Variants in DACH2 observed in about 807,000 individuals in gnomAD.
The protein encoded by DACH2 is dachshund homolog 2.
Under a neutral mutation model 35.8 loss-of-function variants are expected in DACH2, and 17 were observed. That is an observed-to-expected ratio of 0.48 (90% CI 0.33 to 0.71). DACH2 has a LOEUF of 0.71. DACH2 is among the 30% of genes least tolerant of loss of function. The pLI, the probability that DACH2 is intolerant of heterozygous loss-of-function variation, is 0.02. For missense variants in DACH2, 469 were observed against 472.7 expected, an observed-to-expected ratio of 0.99 and a Z score of 0.07; for synonymous variants, 195 against 177.3, an observed-to-expected ratio of 1.10 and a Z score of -0.79.
intron 2 of DACH2, among the ~76,000 whole-genome samples, chrX:86,445,515 A>T (rs990996573): frequency 5.9e-5 from 1 of 16,972 alleles, no homozygotes; most frequent in African/African-American, 1.7e-4. Context: ...TAATAATAAT[A>T]AAAAAAAAGA....
At chrX:86,547,425 G>A (rs1354281087) in intron 3 of DACH2, among the ~76,000 whole-genome samples, 1 of 110,185 alleles carries the variant, frequency 9.1e-6, no homozygotes, top group African/African-American at 3.3e-5. Flanking sequence ...TTTTCTCACT[G>A]AAGATCATTT....
At chrX:86,563,333 T>C (rs182142102) in intron 3 of DACH2, among the ~76,000 whole-genome samples, 1 of 110,373 alleles carries the variant, frequency 9.1e-6, no homozygotes, top group East Asian at 2.9e-4. Flanking sequence ...TTCAAGTAAA[T>C]GTTAAAGAAG....
At chrX:86,309,124 G>T (rs987082815) in intron 1 of DACH2, among the ~76,000 whole-genome samples, 1 of 112,093 alleles carries the variant, frequency 8.9e-6, no homozygotes, top group Non-Finnish European at 1.9e-5. Flanking sequence ...GGATTGCAGA[G>T]ATTAGTGCCA....
intron 1 of DACH2, among the ~76,000 whole-genome samples, chrX:86,263,605 C>A (rs1281456586): frequency 9.0e-6 from 1 of 111,524 alleles, no homozygotes; most frequent in Non-Finnish European, 1.9e-5. Flanking sequence ...AAAAGAGAAA[C>A]CCTTTTTGTG....
At chrX:86,186,917 G>A (rs777840364) in intron 1 of DACH2, among the ~76,000 whole-genome samples, 4 of 111,549 alleles carry the variant, frequency 3.6e-5, no homozygotes, top group South Asian at 3.7e-4. Context: ...ATTTCATTTT[G>A]CAGATGGAGA....
At chrX:86,356,114 T>G (rs965128721) in intron 1 of DACH2, among the ~76,000 whole-genome samples, 1 of 111,920 alleles carries the variant, frequency 8.9e-6, no homozygotes, top group Non-Finnish European at 1.9e-5. Context: ...CCAGAGCCTA[T>G]GTCTAAAATA....
chrX:86,231,405 G>A (rs1052641041), intron 1 of DACH2, among the ~76,000 whole-genome samples: 1 of 110,503 alleles, frequency 9.0e-6, no homozygotes, highest in African/African-American at 3.3e-5. Flanking sequence ...TAGGGGCGGG[G>A]CTAGGTGTGT....
chrX:86,157,377 G>GA (rs1418549124), intron 1 of DACH2, among the ~76,000 whole-genome samples: 3 of 111,354 alleles, frequency 2.7e-5, no homozygotes, highest in Non-Finnish European at 5.7e-5. Flanking sequence ...GGGTTAAAAA[G>GA]AAAAAAGTAA....
chrX:86,804,369 A>G (rs1000636465), intron 7 of DACH2, among the ~76,000 whole-genome samples: 9 of 111,567 alleles, frequency 8.1e-5, no homozygotes, highest in African/African-American at 2.9e-4. Context: ...TAGACCGTTC[A>G]TGAGAACTTT....
intron 2 of DACH2, among the ~76,000 whole-genome samples, chrX:86,463,861 G>T (rs749419628): frequency 1.3e-4 from 14 of 111,512 alleles, no homozygotes; most frequent in Non-Finnish European, 1.7e-4. Context: ...AGTGGGCAAA[G>T]GGTATAAACA....
chrX:86,359,396 C>A (rs1053967934), intron 1 of DACH2, among the ~76,000 whole-genome samples: 8 of 110,833 alleles, frequency 7.2e-5, no homozygotes, highest in Non-Finnish European at 1.9e-5. Flanking sequence ...CTAGAGTGCA[C>A]GATTTTCTAA....
chrX:86,512,398 T>A (rs764381641), intron 2 of DACH2, among the ~76,000 whole-genome samples: 1 of 111,325 alleles, frequency 9.0e-6, no homozygotes, highest in Non-Finnish European at 1.9e-5. Context: ...GGAAAAGAGT[T>A]GCTTCAGATA....
At chrX:86,789,220 A>T (rs918986043) in intron 7 of DACH2, among the ~76,000 whole-genome samples, 4 of 112,132 alleles carry the variant, frequency 3.6e-5, no homozygotes, top group Non-Finnish European at 7.5e-5. Context: ...ATGGAAAAGG[A>T]CAGCAGCTCC....
chrX:86,729,537 G>A lies in DACH2; in HGVS notation c.1105-10210G>A, dbSNP rs182457052. Among the ~76,000 whole-genome samples, 164 of 111,584 alleles carry A rather than the reference G, an allele frequency of 1.5e-3. 3 individuals are homozygous for A. Among genetic ancestry groups the A allele is most frequent in the Admixed American group, 0.015 (152 of 10,478 alleles). On this transcript the variant is annotated intron_variant, in intron 6 of 11. Transcript: ENST00000373125. ...ATGATTGTATTTTGCAATGTGAAAAGGACATGAGATTTGGGGGTGTCTAGG... is the reference window on the plus strand; with the variant it reads ...ATGATTGTATTTTGCAATGTGAAAAAGACATGAGATTTGGGGGTGTCTAGG...
At chrX:86,694,982 G>C (rs1218556119) in intron 4 of DACH2, 39 bp from the exon 5 acceptor site, 1 of 992,528 alleles carries the variant, frequency 1.0e-6, no homozygotes, top group East Asian at 3.7e-5. Flanking sequence ...TCTTATGAAA[G>C]TTGTCAAGTT....
intron 7 of DACH2, among the ~76,000 whole-genome samples, chrX:86,743,161 G>C (rs892421212): frequency 6.3e-5 from 7 of 111,164 alleles, no homozygotes; most frequent in African/African-American, 1.6e-4. Flanking sequence ...GTGCTAATTT[G>C]GACATTTCAG....
At chrX:86,659,335 G>T (rs1213906574) in intron 4 of DACH2, among the ~76,000 whole-genome samples, 1 of 110,449 alleles carries the variant, frequency 9.1e-6, no homozygotes, top group Admixed American at 9.7e-5. Context: ...TCACTACTGG[G>T]GAATTGTTTA....
At chrX:86,663,496 T>C (rs1365104895) in intron 4 of DACH2, among the ~76,000 whole-genome samples, 1 of 111,484 alleles carries the variant, frequency 9.0e-6, no homozygotes, top group Non-Finnish European at 1.9e-5. Flanking sequence ...TTAGTGTGAA[T>C]CAAAGTTTGA....
chrX:86,165,556 C>T (rs1006629137), intron 1 of DACH2, among the ~76,000 whole-genome samples: 1 of 110,828 alleles, frequency 9.0e-6, no homozygotes, highest in African/African-American at 3.3e-5. Context: ...ATTGTAATTT[C>T]GATTTGCATT....
Sources: gnomAD v4.1 joint callset for allele counts (sites outside exome capture counted in the v4.1 genomes callset) on GRCh38, gnomAD v4.1.1 for gene constraint, MANE v1.5 for transcripts, NCBI Gene and HGNC (gene_info 2026-07-23, HGNC 2026-07-21) for gene names.